Variants in RORA observed in about 807,000 individuals in gnomAD.
RORA encodes nuclear receptor ROR-alpha.
RORA carries 7 observed loss-of-function variants against 69.5 expected under a neutral mutation model. The observed-to-expected ratio is 0.10, with a 90% CI of 0.06 to 0.19. The LOEUF is 0.19. RORA is among the 10% of genes least tolerant of loss of function. RORA has a pLI of 1.00. For missense variants in RORA, 457 were observed against 663.0 expected, an observed-to-expected ratio of 0.69 and a Z score of 3.41; for synonymous variants, 261 against 240.8, an observed-to-expected ratio of 1.08 and a Z score of -0.78.
intron 1 of RORA, among the ~76,000 whole-genome samples, chr15:60,819,744 CAG>C (rs1258151546): frequency 2.4e-3 from 249 of 105,700 alleles, no homozygotes; most frequent in African/African-American, 8.0e-3. Flanking sequence ...AAGTCAAACC[CAG>C]ACACACACAC....
rs116173515 is a variant in RORA at position 61,155,202 on chromosome 15, A to T, written c.166+73851T>A. On this transcript the variant is annotated intron_variant, in intron 1 of 10. Coordinates refer to ENST00000335670, the MANE Select transcript of RORA (RefSeq NM_134261.3). ...ATGTATACATGCATTAAAACATCAC[A>T]CTGTGTCCCGTAAATATGTACATTA... 4.6e-3 allele frequency among the ~76,000 whole-genome samples: 701 copies of T among 152,352 alleles called. 1 individual carries two copies. The highest frequency in any genetic ancestry group is 0.016 in the African/African-American group (683 of 41,598).
intron 1 of RORA, among the ~76,000 whole-genome samples, chr15:60,855,159 T>C (rs1436392784): frequency 6.6e-6 from 1 of 152,140 alleles, no homozygotes; most frequent in African/African-American, 2.4e-5. Flanking sequence ...ACACAGCCAA[T>C]TTGGTAAGAT....
At chr15:60,946,055 G>A (rs1334755572) in intron 1 of RORA, among the ~76,000 whole-genome samples, 2 of 152,158 alleles carry the variant, frequency 1.3e-5, no homozygotes, top group Non-Finnish European at 2.9e-5. Flanking sequence ...CCTCCAGGAA[G>A]AAGATGCATT....
At chr15:60,658,509 T>C (rs944607633) in intron 2 of RORA, among the ~76,000 whole-genome samples, 2 of 152,208 alleles carry the variant, frequency 1.3e-5, no homozygotes, top group African/African-American at 4.8e-5. Flanking sequence ...AGGACCAGAC[T>C]TCATGGTTGA....
Position 60,841,147 on chromosome 15 carries a change from C to T in RORA, c.167-162461G>A, listed in dbSNP as rs73428365. On this transcript the variant is annotated intron_variant, in intron 1 of 10. Transcript: ENST00000335670. ...ACAACTTTTTCTTGTTTTCTCTCCA[C>T]GCCATCCCACAGCTGACACAGCTTG... The T allele has an allele frequency of 2.9e-3, 2,585 of 891,644 alleles. 53 individuals are homozygous for T. The African/African-American group carries it at 0.042, about 14-fold the overall frequency. 55.2% of individuals were successfully genotyped at this position (891,644 alleles called of 1,614,324 possible).
intron 1 of RORA, among the ~76,000 whole-genome samples, chr15:61,030,334 T>C (rs926559244): frequency 1.3e-5 from 2 of 152,216 alleles, no homozygotes; most frequent in African/African-American, 4.8e-5. Context: ...ATTATGTATA[T>C]GCAGGAGAAT....
chr15:60,598,086 T>G (rs1379691726), intron 2 of RORA, among the ~76,000 whole-genome samples: 2 of 152,034 alleles, frequency 1.3e-5, no homozygotes, highest in African/African-American at 4.8e-5. Flanking sequence ...GAGTAGAGCC[T>G]TGTAGGGCCA....
At chr15:60,991,735 C>CA (rs947323101) in intron 1 of RORA, among the ~76,000 whole-genome samples, 3 of 151,308 alleles carry the variant, frequency 2.0e-5, no homozygotes, top group African/African-American at 7.3e-5. Flanking sequence ...CCATCTCAGC[C>CA]AAAAAACAAA....
At chr15:60,567,940 C>A (rs868844463) in intron 2 of RORA, among the ~76,000 whole-genome samples, 1 of 152,050 alleles carries the variant, frequency 6.6e-6, no homozygotes. Flanking sequence ...CTATGATGAA[C>A]AGAAGGTAGA....
chr15:60,910,903 G>T (rs1891690048), intron 1 of RORA, among the ~76,000 whole-genome samples: 1 of 129,658 alleles, frequency 7.7e-6, no homozygotes. Flanking sequence ...TTGTTTTTTG[G>T]GTTTTTTTTT....
At position 60,511,708 on chromosome 15, in the gene RORA, C is replaced by G; in HGVS notation, c.425-87G>C. On this transcript the variant is annotated intron_variant, in intron 4 of 10. Coordinates refer to ENST00000335670, the MANE Select transcript of RORA (RefSeq NM_134261.3). The surrounding 1 kb of genome is among the most constrained non-coding windows in gnomAD (Gnocchi z 6.4). ...CGAGCTTTGGGGTTTCCTTTGAAGT[C>G]TCACACAATCTCAATCCAAAACTGC... is the stretch of plus-strand genomic sequence containing the variant. The G allele has an allele frequency of 7.3e-7, 1 of 1,365,890 alleles. No homozygotes were observed. The highest frequency in any genetic ancestry group is 9.8e-7 in the Non-Finnish European group (1 of 1,020,668). 84.6% of individuals were successfully genotyped at this position (1,365,890 alleles called of 1,614,324 possible).
intron 1 of RORA, among the ~76,000 whole-genome samples, chr15:60,885,638 A>C (rs2073742158): frequency 6.6e-6 from 1 of 152,228 alleles, no homozygotes; most frequent in Admixed American, 6.5e-5. Flanking sequence ...TGAATCAAAA[A>C]TATATATATT....
chr15:61,040,105 C>T lies in RORA; in HGVS notation c.166+188948G>A, dbSNP rs1408844703. 2.9e-5 allele frequency among the ~76,000 whole-genome samples: 3 copies of T among 104,936 alleles called. No homozygotes were observed. The Admixed American group carries it at 3.2e-4, about 11-fold the overall frequency. The allele number at this position is 104,936 out of a possible 152,430, so 68.8% of individuals were successfully genotyped here. ...AACATAATTCTAATGGCTATGATCA[C>T]AAGCTTTGATATATATATATATATA... On this transcript the variant is annotated intron_variant, in intron 1 of 10. Transcript: ENST00000335670.
intron 1 of RORA, among the ~76,000 whole-genome samples, chr15:60,791,589 GA>G (rs1567192659): frequency 6.6e-6 from 1 of 152,194 alleles, no homozygotes; most frequent in Non-Finnish European, 1.5e-5. Context: ...CATAAGGGGA[GA>G]AATTCTGGAA....
At chr15:61,152,891 A>T (rs1596030572) in intron 1 of RORA, among the ~76,000 whole-genome samples, 1 of 152,100 alleles carries the variant, frequency 6.6e-6, no homozygotes. Context: ...ACAGGCTGCT[A>T]CTCCTTTAAA....
At chr15:60,535,736 T>A (rs1157689178) in intron 2 of RORA, among the ~76,000 whole-genome samples, 5 of 152,172 alleles carry the variant, frequency 3.3e-5, no homozygotes, top group Non-Finnish European at 5.9e-5. Context: ...CAGTACTTCA[T>A]TCTGTGGGTG....
intron 1 of RORA, among the ~76,000 whole-genome samples, chr15:61,000,055 A>G (rs1310870580): frequency 6.6e-6 from 1 of 152,192 alleles, no homozygotes; most frequent in African/African-American, 2.4e-5. Context: ...CAGCTGGAAA[A>G]GCAAAGTTTT....
intron 1 of RORA, among the ~76,000 whole-genome samples, chr15:60,684,682 A>G (rs750897568): frequency 1.1e-4 from 16 of 152,154 alleles, no homozygotes; most frequent in Non-Finnish European, 1.3e-4. Flanking sequence ...AAATATGTCA[A>G]TATTTTTACT....
At chr15:61,130,063 GAAGA>G (rs2079177526) in intron 1 of RORA, among the ~76,000 whole-genome samples, 1 of 152,174 alleles carries the variant, frequency 6.6e-6, no homozygotes, top group Non-Finnish European at 1.5e-5. Flanking sequence ...AGAAAAACAG[GAAGA>G]AAGCAGAAAG....
Sources: allele counts gnomAD v4.1 joint callset (sites outside exome capture counted in the v4.1 genomes callset), GRCh38; gene constraint gnomAD v4.1.1; non-coding constraint Gnocchi (gnomAD v3.1); transcripts MANE v1.5; gene names NCBI Gene and HGNC (gene_info 2026-07-23, HGNC 2026-07-21).